Variants in CARD8 observed in about 807,000 individuals in gnomAD.
The protein encoded by CARD8 is caspase recruitment domain-containing protein 8.
Under a neutral mutation model 53.2 loss-of-function variants are expected in CARD8, and 38 were observed. The observed-to-expected ratio is 0.71, with a 90% CI of 0.55 to 0.94. CARD8 has a LOEUF of 0.94. Ranked by LOEUF, CARD8 falls within the 40% of genes least tolerant of loss-of-function variation. The probability of loss-of-function intolerance (pLI) is 0.00; values close to 1 mark genes in which losing one functional copy is unlikely to be tolerated. For missense variants in CARD8, 561 were observed against 655.5 expected (o/e 0.86, Z 1.57); for synonymous variants, 245 against 244.9 (o/e 1.00, Z 0.00).
intron 13 of CARD8, 26 bp downstream of exon 13, chr19:48,215,314 G>A: frequency 6.4e-7 from 1 of 1,569,718 alleles, no homozygotes; most frequent in Non-Finnish European, 8.8e-7. Flanking sequence ...ACATACCCTT[G>A]GCTTTAATGT....
chr19:48,238,556 G>C (rs1348485274), intron 4 of CARD8, 24 bp from the exon 5 acceptor site: 1 of 1,535,778 alleles, frequency 6.5e-7, no homozygotes, highest in East Asian at 2.4e-5. Context: ...AATGGAATTG[G>C]AATGTGAGCA....
At position 48,221,710 on chromosome 19, in the gene CARD8, TG is replaced by T. The variant is rs752846364; in HGVS notation, c.1161+19del. On this transcript the variant is annotated intron_variant, in intron 11 of 13. Coordinates refer to ENST00000651546, the MANE Select transcript of CARD8 (RefSeq NM_001184900.3). ...TAAAACACTCTGAAACCTGCTGAGT[TG>T]GGTTTGAATTCTACTAACCTTGGGC... 27 of 1,509,386 alleles carry T rather than the reference TG, an allele frequency of 1.8e-5. No homozygotes were observed. The highest frequency in any genetic ancestry group is 2.3e-5 in the Non-Finnish European group (26 of 1,113,888). 93.5% of individuals were successfully genotyped at this position (1,509,386 alleles called of 1,614,324 possible). A position where few individuals can be genotyped will look rare whatever the true frequency, so the allele number is the denominator to read the frequency against.
chr19:48,254,336 C>T (rs1457003283), intron 1 of CARD8, among the ~76,000 whole-genome samples: 2 of 152,178 alleles, frequency 1.3e-5, no homozygotes, highest in African/African-American at 4.8e-5. Flanking sequence ...TAGGCAACCA[C>T]TTAGTGACAA....
intron 11 of CARD8, among the ~76,000 whole-genome samples, chr19:48,221,401 C>T (rs1315835928): frequency 6.6e-6 from 1 of 152,116 alleles, no homozygotes; most frequent in African/African-American, 2.4e-5. Flanking sequence ...CCTTCAACTA[C>T]CTTAACAAAT....
Position 48,252,808 on chromosome 19 carries a change from T to TATATACACACACAC in CARD8, c.-251-2962_-251-2961insGTGTGTGTGTATAT, listed in dbSNP as rs113740488. Reference sequence around the variant, plus strand: ...CCACCGCACTGGCCTTATCAGTATATACACACACACACACACACACACACA... The same window carrying TATATACACACACAC: ...CCACCGCACTGGCCTTATCAGTATATATATACACACACACACACACACACACACACACACACACA... On this transcript the variant is annotated intron_variant, in intron 1 of 13. Transcript: ENST00000651546. Among the ~76,000 whole-genome samples, 100 of 148,298 alleles carry TATATACACACACAC rather than the reference T, an allele frequency of 6.7e-4. 1 individual carries two copies. The highest frequency in any genetic ancestry group is 2.1e-3 in the South Asian group (10 of 4,660).
intron 3 of CARD8, among the ~76,000 whole-genome samples, chr19:48,243,790 G>A (rs375330482): frequency 4.6e-5 from 7 of 152,290 alleles, no homozygotes; most frequent in East Asian, 1.9e-4. Context: ...GATTAAGGTC[G>A]CAGTGAGCTA....
intron 3 of CARD8, among the ~76,000 whole-genome samples, chr19:48,247,866 CAT>C (rs974067773): frequency 1.1e-4 from 17 of 151,806 alleles, no homozygotes; most frequent in South Asian, 6.2e-4. Flanking sequence ...TTAAAATACA[CAT>C]GATTTTTACC....
At position 48,211,616 on chromosome 19, in the gene CARD8, G is replaced by A; in HGVS notation, c.*94C>T. The A allele has an allele frequency of 7.8e-7, 1 of 1,276,074 alleles. No homozygotes were observed. The highest frequency in any genetic ancestry group is 1.1e-6 in the Non-Finnish European group (1 of 908,756). The allele number at this position is 1,276,074 out of a possible 1,614,324, so 79.0% of individuals were successfully genotyped here. A position where few individuals can be genotyped will look rare whatever the true frequency, so the allele number is the denominator to read the frequency against. On this transcript the variant is annotated 3_prime_UTR_variant, in exon 14 of 14. Coordinates refer to ENST00000651546, the MANE Select transcript of CARD8 (RefSeq NM_001184900.3). ...GATAGATGTTACCCAGTCTTCTTCT[G>A]TCTTGAACACTGAAATCAATGATCA...
Position 48,211,384 on chromosome 19 carries a change from A to T in CARD8, c.*326T>A, listed in dbSNP as rs557407280. 4.7e-6 allele frequency: 1 copy of T among 212,790 alleles called. No individual in the cohort carries two copies. The highest frequency in any genetic ancestry group is 5.3e-5 in the Admixed American group (1 of 18,938). 13.2% of individuals were successfully genotyped at this position (212,790 alleles called of 1,614,324 possible). A position where few individuals can be genotyped will look rare whatever the true frequency, so the allele number is the denominator to read the frequency against. On this transcript the variant is annotated 3_prime_UTR_variant, in exon 14 of 14. Transcript: ENST00000651546. ...AGGAAAAGTTGCCTTTCCAGGCCCCATCCTTCATAAACACACCTATCCGGA... is the reference window on the plus strand; with the variant it reads ...AGGAAAAGTTGCCTTTCCAGGCCCCTTCCTTCATAAACACACCTATCCGGA...
intron 1 of CARD8, among the ~76,000 whole-genome samples, chr19:48,251,021 G>C (rs531376226): frequency 6.6e-6 from 1 of 152,302 alleles, no homozygotes; most frequent in East Asian, 1.9e-4. Context: ...CGAGACAGCA[G>C]GGAGTTAGGT....
intron 3 of CARD8, among the ~76,000 whole-genome samples, chr19:48,244,123 T>C (rs1482956494): frequency 1.3e-5 from 2 of 151,972 alleles, no homozygotes; most frequent in African/African-American, 4.8e-5. Context: ...TGAGAAATAA[T>C]GTAATATATG....
intron 1 of CARD8, among the ~76,000 whole-genome samples, chr19:48,253,203 G>A (rs1050055158): frequency 6.6e-6 from 1 of 152,104 alleles, no homozygotes; most frequent in African/African-American, 2.4e-5. Flanking sequence ...TACAGGTGCA[G>A]GGAGCTGCAG....
At chr19:48,218,350 CTTCT>C (rs1480972665) in intron 12 of CARD8, among the ~76,000 whole-genome samples, 3 of 122,168 alleles carry the variant, frequency 2.5e-5, no homozygotes, top group African/African-American at 9.2e-5. Context: ...TATTTATCTT[CTTCT>C]TTTTTTTTTT....
chr19:48,218,158 C>CT (rs56044721), intron 12 of CARD8, among the ~76,000 whole-genome samples: 77,227 of 148,868 alleles, frequency 0.52, 20,097 homozygotes, highest in Non-Finnish European at 0.56. Context: ...ATAGATTTCT[C>CT]TTTTTTTTTT....
intron 12 of CARD8, among the ~76,000 whole-genome samples, chr19:48,216,398 A>T (rs1307496564): frequency 6.6e-6 from 1 of 152,116 alleles, no homozygotes; most frequent in Non-Finnish European, 1.5e-5. Context: ...CACAAACAAA[A>T]CTCTGACAAT....
At position 48,230,642 on chromosome 19, in the gene CARD8, G is replaced by A; in HGVS notation, c.831C>T (p.Val277=). The change falls in exon 10 of 14, where the codon GTC becomes GTT. Residue 277 remains valine, a synonymous_variant. Coordinates refer to ENST00000651546, the MANE Select transcript of CARD8 (RefSeq NM_001184900.3). ...GCTCCACCCGGGCTGGATGCTCCAG[G>A]ACCATCCCTTCATTCTTAAAATGGG... ...LVAHFKNEGM[V]LEHPARVEPF... 6.2e-7 allele frequency: 1 copy of A among 1,614,014 alleles called. No homozygotes were observed. Among genetic ancestry groups the A allele is most frequent in the Admixed American group, 1.7e-5 (1 of 60,000 alleles).
intron 5 of CARD8, among the ~76,000 whole-genome samples, chr19:48,237,390 A>C (rs1234777409): frequency 6.6e-6 from 1 of 152,020 alleles, no homozygotes; most frequent in Non-Finnish European, 1.5e-5. Flanking sequence ...TTTATGAGGG[A>C]TATGCCCCCT....
intron 6 of CARD8, chr19:48,233,333 T>G (rs533560960): frequency 2.2e-6 from 1 of 456,270 alleles, no homozygotes; most frequent in Non-Finnish European, 4.4e-6. Context: ...CCTTGAGATA[T>G]CTGTTTATTT....
At chr19:48,255,118 A>C (rs1049847614) in intron 1 of CARD8, among the ~76,000 whole-genome samples, 1 of 152,184 alleles carries the variant, frequency 6.6e-6, no homozygotes, top group Non-Finnish European at 1.5e-5. Flanking sequence ...CTGTAATCCC[A>C]ACACTTTGGG....
Sources: allele counts gnomAD v4.1 joint callset (sites outside exome capture counted in the v4.1 genomes callset), GRCh38; gene constraint gnomAD v4.1.1; transcripts MANE v1.5; gene names NCBI Gene and HGNC (gene_info 2026-07-23, HGNC 2026-07-21).